SSH2: variants seen among roughly 807,000 people sequenced by gnomAD.
The protein encoded by SSH2 is protein phosphatase Slingshot homolog 2.
In SSH2, 37 loss-of-function variants were observed where a neutral mutation model predicts 135.2. The ratio of observed to expected loss-of-function variants is 0.27; its 90% confidence interval spans 0.21 to 0.36. The LOEUF is 0.36. Ranked by LOEUF, SSH2 falls within the 10% of genes least tolerant of loss-of-function variation. The pLI is 1.00. For synonymous variants in SSH2, 628 were observed against 646.2 expected, an observed-to-expected ratio of 0.97 and a Z score of 0.43; for missense variants, 1,408 against 1,765.3, an observed-to-expected ratio of 0.80 and a Z score of 3.63.
chr17:29,871,654 G>A (rs2065938228), intron 1 of SSH2, among the ~76,000 whole-genome samples: 1 of 152,040 alleles, frequency 6.6e-6, no homozygotes, highest in African/African-American at 2.4e-5. Context: ...AATAAAAAAT[G>A]CAAAATAAAA....
chr17:29,648,402 A>AAAGTTGGTTTCTAGATTTTTCC, intron 13 of SSH2, 58 bp from the exon 14 acceptor site: 1 of 1,433,670 alleles, frequency 7.0e-7, no homozygotes. Context: ...GGATATTTTA[A>AAAGTTGGTTTCTAGATTTTTCC]AAGTTGGTTT....
intron 3 of SSH2, among the ~76,000 whole-genome samples, chr17:29,784,519 T>A (rs1175993104): frequency 6.6e-6 from 1 of 150,610 alleles, no homozygotes; most frequent in Non-Finnish European, 1.5e-5. Flanking sequence ...ATCACTTGAA[T>A]CCAGGAGGCG....
chr17:29,666,151 T>G (rs1343076612), intron 11 of SSH2, among the ~76,000 whole-genome samples: 2 of 152,036 alleles, frequency 1.3e-5, no homozygotes, highest in African/African-American at 2.4e-5. Context: ...GGTGAGTGGA[T>G]TGCTTGAGCT....
At chr17:29,824,621 C>T (rs946042582) in intron 2 of SSH2, among the ~76,000 whole-genome samples, 3 of 152,014 alleles carry the variant, frequency 2.0e-5, no homozygotes, top group Non-Finnish European at 2.9e-5. Flanking sequence ...TTGAGGTATT[C>T]GGCTACCTGG....
chr17:29,650,727 G>A lies in SSH2; in HGVS notation c.1153C>T (p.Arg385Trp), dbSNP rs1325586791. 1 of 1,613,352 alleles carries A rather than the reference G, an allele frequency of 6.2e-7. No homozygotes were observed. The highest frequency in any genetic ancestry group is 8.5e-7 in the Non-Finnish European group (1 of 1,179,410). Reference protein sequence around the residue: ...FPGVFEYHNIRVYDEEATDLL... With the variant: ...FPGVFEYHNIWVYDEEATDLL... Reference sequence around the variant, plus strand: ...TCCGTTGCCTCTTCATCATATACCCGAATGTTATGATACTCAAAGACTCCT... The same window carrying A: ...TCCGTTGCCTCTTCATCATATACCCAAATGTTATGATACTCAAAGACTCCT... Residue 385 changes from arginine (R) to tryptophan (W), a missense_variant, in exon 13 of 16, where the codon CGG (arginine) becomes TGG (tryptophan). Transcript: ENST00000540801.
Position 29,631,680 on chromosome 17 carries a change from C to T in SSH2, c.3514G>A (p.Glu1172Lys), listed in dbSNP as rs1429072792. The T allele has an allele frequency of 6.2e-7, 1 of 1,614,094 alleles. No homozygotes were observed. The highest frequency in any genetic ancestry group is 8.5e-7 in the Non-Finnish European group (1 of 1,180,046). Residue 1172 changes from glutamate (E) to lysine (K), a missense_variant, in exon 16 of 16, where the codon GAG becomes AAG. This residue lies in a region of SSH2 where 1,080 missense variants were observed against 1,144.5 expected (regional missense o/e 0.94). Transcript: ENST00000540801. ...QTMVHLEGFT[E>K]QSSTTDEPSA... ...GGCTCATCTGTAGTGCTGCTCTGCT[C>T]TGTGAAGCCCTCCAGGTGAACCATA...
At chr17:29,684,161 A>G (rs1379016093) in intron 6 of SSH2, among the ~76,000 whole-genome samples, 1 of 152,188 alleles carries the variant, frequency 6.6e-6, no homozygotes, top group Non-Finnish European at 1.5e-5. Context: ...CTTTAACAGC[A>G]GAACTGCACA....
chr17:29,709,764 CA>C (rs1310225583), intron 3 of SSH2, among the ~76,000 whole-genome samples: 1 of 152,064 alleles, frequency 6.6e-6, no homozygotes, highest in Non-Finnish European at 1.5e-5. Context: ...ACCACTTCCC[CA>C]ACAAGGCCAT....
intron 14 of SSH2, chr17:29,644,797 GATAA>G (rs35949270): frequency 0.057 from 8,597 of 149,542 alleles, 320 homozygotes; most frequent in African/African-American, 0.11. Context: ...ACTTTGCCTC[GATAA>G]ATAAATAAAT....
intron 3 of SSH2, chr17:29,706,964 T>A (rs1427976959): frequency 6.6e-6 from 1 of 152,126 alleles, no homozygotes; most frequent in African/African-American, 2.4e-5. Context: ...CCATCCTGGC[T>A]AACACGGTGA....
chr17:29,681,422 C>T (rs1385134462), intron 6 of SSH2, among the ~76,000 whole-genome samples: 1 of 147,418 alleles, frequency 6.8e-6, no homozygotes, highest in Non-Finnish European at 1.5e-5. Context: ...GTATTTTTAT[C>T]CAGGTTACCT....
At chr17:29,749,327 T>C (rs2040856566) in intron 3 of SSH2, among the ~76,000 whole-genome samples, 1 of 152,206 alleles carries the variant, frequency 6.6e-6, no homozygotes, top group Admixed American at 6.5e-5. Context: ...AAGTTTATCA[T>C]TGCGTGAACA....
chr17:29,806,824 C>T (rs532032993), intron 2 of SSH2, among the ~76,000 whole-genome samples: 19 of 152,308 alleles, frequency 1.2e-4, no homozygotes, highest in Middle Eastern at 3.4e-3. Flanking sequence ...CTTAGCTTCA[C>T]CTGGGGGATC....
intron 2 of SSH2, among the ~76,000 whole-genome samples, chr17:29,796,531 G>A (rs902842866): frequency 3.3e-5 from 5 of 151,770 alleles, no homozygotes; most frequent in South Asian, 2.1e-4. Flanking sequence ...TAGTAGAGAC[G>A]GGCTTTCTCC....
At chr17:29,650,566 G>A (rs2036546153) in intron 13 of SSH2, 88 bp downstream of exon 13, 2 of 1,263,984 alleles carry the variant, frequency 1.6e-6, no homozygotes, top group Non-Finnish European at 2.1e-6. Context: ...AGTACCATCA[G>A]TAAGTTGTCT....
chr17:29,684,836 T>G, intron 5 of SSH2, 152 bp from the exon 6 acceptor site: 2 of 598,044 alleles, frequency 3.3e-6, no homozygotes, highest in Non-Finnish European at 5.4e-6. Flanking sequence ...GCTCGTACAC[T>G]AGCTATAAAA....
intron 1 of SSH2, among the ~76,000 whole-genome samples, chr17:29,871,598 A>G (rs905703025): frequency 6.6e-6 from 1 of 152,008 alleles, no homozygotes; most frequent in Non-Finnish European, 1.5e-5. Flanking sequence ...ATTTTTTAAA[A>G]TAAATAAGAA....
At chr17:29,927,029 C>T (rs1488471816) in intron 1 of SSH2, among the ~76,000 whole-genome samples, 1 of 152,162 alleles carries the variant, frequency 6.6e-6, no homozygotes, top group Non-Finnish European at 1.5e-5. Context: ...AATAACTCTG[C>T]CTCAGCTTCA....
In SSH2 at chr17:29,631,894, G is replaced by C. The variant is rs751441228; in HGVS notation, c.3300C>G (p.Pro1100=). The C allele has an allele frequency of 5.0e-6, 8 of 1,614,088 alleles. No individual in the cohort carries two copies. Among genetic ancestry groups the C allele is most frequent in the African/African-American group, 1.3e-5 (1 of 74,920 alleles). Residue 1100 remains proline (P), a synonymous_variant, in exon 16 of 16, where the codon CCC becomes CCG. Transcript: ENST00000540801. ...AAGAATGAGGCAGAGGTAGCACTTG[G>C]GGGTGCAGAGAAACCTGGTTGGGGT... The part of the protein sequence containing the change: ...TLDPNQVSLH[P]QVLPLPHSSS...
Sources: gnomAD v4.1 joint callset for allele counts (sites outside exome capture counted in the v4.1 genomes callset) on GRCh38, gnomAD v4.1.1 for gene constraint, gnomAD v4.1.1 regional missense constraint, MANE v1.5 for transcripts, NCBI Gene and HGNC (gene_info 2026-07-23, HGNC 2026-07-21) for gene names.